Variants in LDB2 observed in about 807,000 individuals in gnomAD.
The protein encoded by LDB2 is LIM domain-binding protein 2.
Under a neutral mutation model 44.3 loss-of-function variants are expected in LDB2, and 12 were observed. The observed-to-expected ratio is 0.27, with a 90% CI of 0.17 to 0.44. The LOEUF (loss-of-function observed/expected upper bound fraction) is 0.44, where lower values mean the gene tolerates loss of function less well. Among genes scored for constraint, LDB2 ranks in the 20% least tolerant of loss-of-function variants. The probability of loss-of-function intolerance (pLI) is 1.00; values close to 1 mark genes in which losing one functional copy is unlikely to be tolerated. For missense variants in LDB2, 344 were observed against 473.5 expected (o/e 0.73, Z 2.54); for synonymous variants, 164 against 174.8 (o/e 0.94, Z 0.49).
intron 2 of LDB2, among the ~76,000 whole-genome samples, chr4:16,723,809 C>T (rs913592261): frequency 4.6e-5 from 7 of 152,018 alleles, no homozygotes; most frequent in Admixed American, 3.3e-4. Context: ...TGCTAAAATG[C>T]CTGTGAATGA....
At chr4:16,753,688 T>C (rs1765918852) in intron 2 of LDB2, among the ~76,000 whole-genome samples, 1 of 152,152 alleles carries the variant, frequency 6.6e-6, no homozygotes, top group Non-Finnish European at 1.5e-5. Context: ...AGTGTGGCCA[T>C]GAATGTGTGT....
intron 5 of LDB2, among the ~76,000 whole-genome samples, chr4:16,545,613 T>C (rs1735484083): frequency 6.6e-6 from 1 of 152,234 alleles, no homozygotes; most frequent in African/African-American, 2.4e-5. Flanking sequence ...ACCAGCAAAG[T>C]ATTTTTGATA....
At chr4:16,690,120 C>T (rs541421199) in intron 2 of LDB2, among the ~76,000 whole-genome samples, 1 of 152,246 alleles carries the variant, frequency 6.6e-6, no homozygotes, top group East Asian at 1.9e-4. Context: ...AAAAGGAACA[C>T]ACTGTCCTCA....
intron 5 of LDB2, among the ~76,000 whole-genome samples, chr4:16,542,325 A>G (rs1464639038): frequency 6.6e-6 from 1 of 152,218 alleles, no homozygotes; most frequent in African/African-American, 2.4e-5. Flanking sequence ...GACATCCTGG[A>G]TGGCGATAAA....
intron 3 of LDB2, among the ~76,000 whole-genome samples, chr4:16,591,543 T>A (rs1342424142): frequency 2.0e-5 from 3 of 152,186 alleles, no homozygotes; most frequent in African/African-American, 7.2e-5. Context: ...AAATGACTTA[T>A]TTGAATGAAA....
intron 2 of LDB2, among the ~76,000 whole-genome samples, chr4:16,746,774 G>A (rs931534876): frequency 6.6e-6 from 1 of 152,174 alleles, no homozygotes; most frequent in Non-Finnish European, 1.5e-5. Context: ...GCAACAGAGT[G>A]AGGCTCGGTC....
chr4:16,855,523 C>G (rs1328401047), intron 1 of LDB2, among the ~76,000 whole-genome samples: 2 of 151,964 alleles, frequency 1.3e-5, no homozygotes, highest in African/African-American at 4.8e-5. Context: ...AAAAGCAACT[C>G]ACAAATTATA....
At chr4:16,624,902 T>G (rs1350489845) in intron 2 of LDB2, among the ~76,000 whole-genome samples, 1 of 152,220 alleles carries the variant, frequency 6.6e-6, no homozygotes, top group Non-Finnish European at 1.5e-5. Flanking sequence ...CAATAGTATC[T>G]GTTTAGGATG....
chr4:16,820,637 T>C (rs1781775121), intron 1 of LDB2, among the ~76,000 whole-genome samples: 1 of 152,130 alleles, frequency 6.6e-6, no homozygotes, highest in African/African-American at 2.4e-5. Context: ...GCCTGGCATG[T>C]TCTCTGTAAA....
chr4:16,826,001 T>G, intron 1 of LDB2, among the ~76,000 whole-genome samples: 1 of 151,662 alleles, frequency 6.6e-6, no homozygotes, highest in East Asian at 1.9e-4. Context: ...TTATATATTC[T>G]ATTATTTATG....
chr4:16,818,313 T>C (rs1198079383), intron 1 of LDB2, among the ~76,000 whole-genome samples: 1 of 152,110 alleles, frequency 6.6e-6, no homozygotes, highest in Non-Finnish European at 1.5e-5. Flanking sequence ...AGTGTGTCAC[T>C]TTCACAGCCT....
chr4:16,616,926 T>C (rs889471885), intron 2 of LDB2, among the ~76,000 whole-genome samples: 2 of 152,364 alleles, frequency 1.3e-5, no homozygotes, highest in African/African-American at 2.4e-5. Flanking sequence ...ATTCAAATGA[T>C]TGTTAGTATG....
chr4:16,602,629 G>A (rs1722878668), intron 2 of LDB2, among the ~76,000 whole-genome samples: 1 of 152,130 alleles, frequency 6.6e-6, no homozygotes, highest in Non-Finnish European at 1.5e-5. Flanking sequence ...GCATTTTCCA[G>A]CTGCCAACAT....
intron 2 of LDB2, among the ~76,000 whole-genome samples, chr4:16,739,686 ATGTATATATACATATATGTG>A (rs1762765138): frequency 3.2e-5 from 3 of 93,280 alleles, no homozygotes; most frequent in Non-Finnish European, 6.4e-5. Context: ...GTGTGTATAT[ATGTATATATACATATATGTG>A]TATATATGTA....
At chr4:16,676,280 G>A (rs752377747) in intron 2 of LDB2, among the ~76,000 whole-genome samples, 22 of 152,184 alleles carry the variant, frequency 1.4e-4, no homozygotes, top group Non-Finnish European at 1.9e-4. Context: ...GGACCCATGT[G>A]AAAATTCTGG....
At chr4:16,679,595 G>C (rs1034210295) in intron 2 of LDB2, among the ~76,000 whole-genome samples, 1 of 152,168 alleles carries the variant, frequency 6.6e-6, no homozygotes, top group Non-Finnish European at 1.5e-5. Context: ...AGGAGCAGAT[G>C]TGGGATTTGA....
rs544505739 is a variant in LDB2, at chr4:16,813,670, C to T, written c.133-54410G>A. 1.1e-4 allele frequency among the ~76,000 whole-genome samples: 17 copies of T among 152,188 alleles called. No homozygotes were observed. The South Asian group carries it at 3.5e-3, about 32-fold the overall frequency. On this transcript the variant is annotated intron_variant, in intron 1 of 7. Transcript: ENST00000304523. ...TGGTGAGGTAGAGAACTCAAAGTTA[C>T]CAAGTTTAATAAGCAAGACAGTGAG... is the stretch of plus-strand genomic sequence containing the variant.
chr4:16,578,962 G>A (rs1713060800), intron 5 of LDB2, among the ~76,000 whole-genome samples: 1 of 152,204 alleles, frequency 6.6e-6, no homozygotes, highest in Admixed American at 6.5e-5. Context: ...GATATTGCAT[G>A]TTCTCATTTA....
chr4:16,889,603 G>C (rs1722765561), intron 1 of LDB2, among the ~76,000 whole-genome samples: 1 of 152,150 alleles, frequency 6.6e-6, no homozygotes, highest in Non-Finnish European at 1.5e-5. Context: ...AAGACTTGGG[G>C]AAAATTTTAG....
Sources: gnomAD v4.1 joint callset for allele counts (sites outside exome capture counted in the v4.1 genomes callset) on GRCh38, gnomAD v4.1.1 for gene constraint, MANE v1.5 for transcripts, NCBI Gene and HGNC (gene_info 2026-07-23, HGNC 2026-07-21) for gene names.